Variants in DCAF4 observed in about 807,000 individuals in gnomAD.
DCAF4 encodes DDB1- and CUL4-associated factor 4.
Under a neutral mutation model 60.9 loss-of-function variants are expected in DCAF4, and 37 were observed. That is an observed-to-expected ratio of 0.61 (90% CI 0.47 to 0.80). The LOEUF (loss-of-function observed/expected upper bound fraction) is 0.80, where lower values mean the gene tolerates loss of function less well. DCAF4 is among the 30% of genes least tolerant of loss of function. DCAF4 has a pLI of 0.00. For synonymous variants in DCAF4, 243 were observed against 254.8 expected (o/e 0.95, Z 0.44); for missense variants, 577 against 650.0 (o/e 0.89, Z 1.22).
At chr14:72,936,575 A>AT (rs1889306374) in intron 1 of DCAF4, among the ~76,000 whole-genome samples, 1 of 151,872 alleles carries the variant, frequency 6.6e-6, no homozygotes, top group African/African-American at 2.4e-5. Flanking sequence ...AAAAAAAAAA[A>AT]AAAATACACA....
At position 72,953,037 on chromosome 14, in the gene DCAF4, G is replaced by A. The variant is rs1158186360; in HGVS notation, c.809-1127G>A. Among the ~76,000 whole-genome samples, 106 of 73,814 alleles carry A rather than the reference G, an allele frequency of 1.4e-3. No homozygotes were observed. In the Middle Eastern group the frequency reaches 0.041, roughly 28 times the overall value. The allele number at this position is 73,814 out of a possible 152,430, so 48.4% of individuals were successfully genotyped here. A position where few individuals can be genotyped will look rare whatever the true frequency, so the allele number is the denominator to read the frequency against. ...TTTTTTGAGATGGAGTTTCACTCTTGTTGCCCAGGCTGGAGTGCAATGACA... is the reference window on the plus strand; with the variant it reads ...TTTTTTGAGATGGAGTTTCACTCTTATTGCCCAGGCTGGAGTGCAATGACA... On this transcript the variant is annotated intron_variant, in intron 9 of 13. Transcript: ENST00000358377.
intron 2 of DCAF4, among the ~76,000 whole-genome samples, chr14:72,938,639 G>A (rs545767550): frequency 2.0e-5 from 3 of 152,282 alleles, no homozygotes; most frequent in African/African-American, 7.2e-5. Context: ...CTCCGAGGCT[G>A]CAAACCTGTA....
Position 72,943,171 on chromosome 14 carries a change from C to CA in DCAF4, c.534+76dup. 2.2e-6 allele frequency: 3 copies of CA among 1,370,210 alleles called. No individual in the cohort carries two copies. The South Asian group carries it at 3.7e-5, about 17-fold the overall frequency. 84.9% of individuals were successfully genotyped at this position (1,370,210 alleles called of 1,614,324 possible). A position where few individuals can be genotyped will look rare whatever the true frequency, so the allele number is the denominator to read the frequency against. The stretch of plus-strand genomic sequence containing the variant: ...CACTTTGTGGCTTAGCGTTGCCAGT[C>CA]ATCAAACCTGGCTCTGGAGAAGCCA... On this transcript the variant is annotated intron_variant, in intron 6 of 13. Transcript: ENST00000358377.
chr14:72,946,133 C>T, intron 7 of DCAF4, 106 bp downstream of exon 7: 1 of 1,378,002 alleles, frequency 7.3e-7, no homozygotes, highest in East Asian at 2.3e-5. Context: ...AGCATACTTA[C>T]CTCATTTTTC....
Position 72,956,371 on chromosome 14 carries a change from G to C in DCAF4, c.1180-15G>C. On this transcript the variant is annotated splice_polypyrimidine_tract_variant and intron_variant, in intron 12 of 13. Transcript: ENST00000358377. The stretch of plus-strand genomic sequence containing the variant: ...CCTGGCCCCTCCCTGATGGCCCCTG[G>C]TGCTTTTTCCACAGATCAAGCTGTG... The C allele has an allele frequency of 3.8e-6, 6 of 1,586,616 alleles. No homozygotes were observed. Among genetic ancestry groups the C allele is most frequent in the East Asian group, 2.2e-5 (1 of 44,498 alleles).
rs1185293816 is a variant in DCAF4 at position 72,945,942 on chromosome 14, A to G, written c.593A>G (p.Lys198Arg). 6.2e-6 allele frequency: 10 copies of G among 1,614,064 alleles called. No individual in the cohort carries two copies. The highest frequency in any genetic ancestry group is 1.7e-5 in the Admixed American group (1 of 59,992). Residue 198 changes from lysine to arginine, a missense_variant, in exon 7 of 14, where the codon AAG becomes AGG. By Grantham distance (26) the Lys-to-Arg change is conservative. Transcript: ENST00000358377. ...TVNDVKVGGS[K>R]YGIINLQSLK... ...AACGATGTTAAAGTTGGAGGCTCCAAGTATGGTATCATCAACCTGCAAAGT... is the reference window on the plus strand; with the variant it reads ...AACGATGTTAAAGTTGGAGGCTCCAGGTATGGTATCATCAACCTGCAAAGT...
Position 72,939,893 on chromosome 14 carries a change from T to G in DCAF4, c.184T>G (p.Ser62Ala). 6.2e-7 allele frequency: 1 copy of G among 1,607,888 alleles called. No homozygotes were observed. The highest frequency in any genetic ancestry group is 2.2e-5 in the East Asian group (1 of 44,472). Residue 62 changes from serine to alanine, a missense_variant, in exon 3 of 14, where the codon TCT (serine) becomes GCT (alanine). Ser to Ala is a moderately conservative substitution (Grantham distance 99). Coordinates refer to ENST00000358377, the MANE Select transcript of DCAF4 (RefSeq NM_015604.4). ...STSSGTAGTS[S>A]VPELPGFYFD... ...CTCGTCTGGCACAGCTGGGACCTCC[T>G]CTGTGCCAGGTAAGGCCACTTGCGG...
chr14:72,944,022 A>C (rs1890397420), intron 6 of DCAF4, among the ~76,000 whole-genome samples: 1 of 152,254 alleles, frequency 6.6e-6, no homozygotes, highest in East Asian at 1.9e-4. Context: ...CTGAATGAGT[A>C]GAATCGTCTC....
chr14:72,949,501 T>A (rs994819243), intron 8 of DCAF4, among the ~76,000 whole-genome samples: 1 of 151,958 alleles, frequency 6.6e-6, no homozygotes, highest in Non-Finnish European at 1.5e-5. Context: ...ATTCCCATAA[T>A]CCCAGCACTT....
chr14:72,953,732 A>AAAAAATATATAT lies in DCAF4; in HGVS notation c.809-431_809-430insAAAATATATATA, dbSNP rs1555527852. The stretch of plus-strand genomic sequence containing the variant: ...CTTAAAAAAAAAAAAAAAAAAAAAA[A>AAAAAATATATAT]ATATATATATATATATATATATATA... On this transcript the variant is annotated intron_variant, in intron 9 of 13. Transcript: ENST00000358377. 2.3e-4 allele frequency among the ~76,000 whole-genome samples: 5 copies of AAAAAATATATAT among 21,766 alleles called. 2 individuals are homozygous for AAAAAATATATAT. The highest frequency in any genetic ancestry group is 0.019 in the Middle Eastern group (1 of 52). 14.3% of individuals were successfully genotyped at this position (21,766 alleles called of 152,430 possible).
At chr14:72,933,392 C>G (rs1888828614) in intron 1 of DCAF4, among the ~76,000 whole-genome samples, 1 of 152,118 alleles carries the variant, frequency 6.6e-6, no homozygotes, top group African/African-American at 2.4e-5. Context: ...AACCACATCT[C>G]TACTAAAAAT....
At chr14:72,961,857 C>T, downstream of DCAF4, 1 of 1,085,888 alleles carries the variant, frequency 9.2e-7, no homozygotes, top group Non-Finnish European at 1.1e-6. Flanking sequence ...CAAGGGCATC[C>T]TCTCCAGCAG....
At chr14:72,953,903 G>A (rs1201300399) in intron 9 of DCAF4, among the ~76,000 whole-genome samples, 2 of 147,996 alleles carry the variant, frequency 1.4e-5, no homozygotes, top group Non-Finnish European at 3.0e-5. Context: ...ACCTCCAACA[G>A]TATACTACCT....
chr14:72,958,437 C>A (rs1892570171), intron 13 of DCAF4, among the ~76,000 whole-genome samples, 175 bp from the exon 14 acceptor site: 1 of 152,236 alleles, frequency 6.6e-6, no homozygotes, highest in South Asian at 2.1e-4. Context: ...TGTCATTGTT[C>A]TAGCACAACA....
chr14:72,931,219 G>A (rs140290692), intron 1 of DCAF4, among the ~76,000 whole-genome samples: 114 of 149,400 alleles, frequency 7.6e-4, no homozygotes, highest in Non-Finnish European at 1.3e-3. Flanking sequence ...CTGTGTACAC[G>A]CCATATATTA....
intron 1 of DCAF4, among the ~76,000 whole-genome samples, chr14:72,927,315 C>T (rs895227138): frequency 6.8e-6 from 1 of 146,864 alleles, no homozygotes; most frequent in Non-Finnish European, 1.5e-5. Flanking sequence ...TTTTAAATAA[C>T]GATGGAAATT....
Position 72,951,887 on chromosome 14 carries a change from TCTC to T in DCAF4, c.808+16_808+18del, listed in dbSNP as rs780793479. 1.2e-5 allele frequency: 20 copies of T among 1,614,028 alleles called. No homozygotes were observed. In the East Asian group the frequency reaches 4.0e-4, roughly 32 times the overall value. Reference sequence around the variant, plus strand: ...GTCAATAGTCACCCAGGTACAGGGTTCTCCTCCTTTAAAGAAATCTGTCCTCTG... The same window carrying T: ...GTCAATAGTCACCCAGGTACAGGGTTCTCCTTTAAAGAAATCTGTCCTCTG... On this transcript the variant is annotated intron_variant, in intron 9 of 13. Coordinates refer to ENST00000358377, the MANE Select transcript of DCAF4 (RefSeq NM_015604.4).
At chr14:72,958,520 C>A in intron 13 of DCAF4, 92 bp from the exon 14 acceptor site, 4 of 1,456,860 alleles carry the variant, frequency 2.7e-6, no homozygotes, top group Non-Finnish European at 3.8e-6. Context: ...AAATCACAGC[C>A]CTGAGGAATC....
Position 72,947,172 on chromosome 14 carries a change from C to T in DCAF4, c.709C>T (p.His237Tyr), listed in dbSNP as rs1251988220. 1 of 1,614,092 alleles carries T rather than the reference C, an allele frequency of 6.2e-7. No homozygotes were observed. The highest frequency in any genetic ancestry group is 8.5e-7 in the Non-Finnish European group (1 of 1,179,988). Residue 237 changes from histidine to tyrosine, a missense_variant, in exon 8 of 14, where the codon CAC becomes TAC. Physicochemically the swap from His to Tyr is moderately conservative, Grantham distance 83. Transcript: ENST00000358377. Reference protein sequence around the residue: ...VNSVCWASLNHLDSHILLCLM... With the variant: ...VNSVCWASLNYLDSHILLCLM... ...TTCGGTGTGCTGGGCCTCGCTGAAT[C>T]ACTTGGATTCCCACATTCTGTATCC... is the stretch of plus-strand genomic sequence containing the variant.
Sources: gnomAD v4.1 joint callset for allele counts (sites outside exome capture counted in the v4.1 genomes callset) on GRCh38, gnomAD v4.1.1 for gene constraint, MANE v1.5 for transcripts, NCBI Gene and HGNC (gene_info 2026-07-23, HGNC 2026-07-21) for gene names.